Variants in ZMYND12 observed in about 807,000 individuals in gnomAD.
ZMYND12 encodes the protein zinc finger MYND domain-containing protein 12.
ZMYND12 carries 32 observed loss-of-function variants against 41.7 expected under a neutral mutation model. The observed-to-expected ratio is 0.77, with a 90% CI of 0.58 to 1.03. The LOEUF (loss-of-function observed/expected upper bound fraction) is 1.03. Among genes scored for constraint, ZMYND12 ranks in the 50% least tolerant of loss-of-function variants. The probability of loss-of-function intolerance (pLI) is 0.00; values close to 1 mark genes in which losing one functional copy is unlikely to be tolerated. For synonymous variants in ZMYND12, 148 were observed against 164.8 expected (o/e 0.90, Z 0.78); for missense variants, 424 against 438.5 (o/e 0.97, Z 0.30).
At chr1:42,440,136 T>C (rs1353111942) in intron 3 of ZMYND12, 111 bp from the exon 4 acceptor site, 2 of 1,212,594 alleles carry the variant, frequency 1.6e-6, no homozygotes, top group Non-Finnish European at 2.2e-6. Context: ...AAGTATTTAT[T>C]GACACAGAAA....
chr1:42,448,387 G>T (rs1342446179), intron 3 of ZMYND12, 80 bp downstream of exon 3: 2 of 1,403,734 alleles, frequency 1.4e-6, no homozygotes, highest in Non-Finnish European at 1.9e-6. Flanking sequence ...CCACTGTCAA[G>T]GGTGACTCTT....
intron 6 of ZMYND12, among the ~76,000 whole-genome samples, 192 bp downstream of exon 6, chr1:42,435,082 G>A (rs1364032531): frequency 6.6e-6 from 1 of 152,024 alleles, no homozygotes; most frequent in African/African-American, 2.4e-5. Flanking sequence ...GTGATGATAG[G>A]GATCTGAATT....
At chr1:42,452,469 G>A (rs1319631065) in intron 1 of ZMYND12, among the ~76,000 whole-genome samples, 17 of 152,074 alleles carry the variant, frequency 1.1e-4, no homozygotes, top group Non-Finnish European at 2.1e-4. Flanking sequence ...TTGGGAGGCC[G>A]AGGAGGGCGG....
At chr1:42,436,580 T>C (rs758519443) in intron 4 of ZMYND12, 37 bp from the exon 5 acceptor site, 1 of 1,607,700 alleles carries the variant, frequency 6.2e-7, no homozygotes, top group South Asian at 1.1e-5. Context: ...CTTGAGTTCC[T>C]TTTGCAAATC....
intron 1 of ZMYND12, among the ~76,000 whole-genome samples, chr1:42,452,627 C>T (rs751788099): frequency 1.1e-4 from 16 of 152,078 alleles, no homozygotes; most frequent in Admixed American, 2.0e-4. Context: ...TGCTTGAACC[C>T]GGGAGACAGA....
At position 42,430,608 on chromosome 1, in the gene ZMYND12, T is replaced by A. The variant is rs1055131228; in HGVS notation, c.*128A>T. On this transcript the variant is annotated 3_prime_UTR_variant, in exon 8 of 8. Transcript: ENST00000372565. The stretch of plus-strand genomic sequence containing the variant: ...GTAAGAAAAAAATAACAGCTATGTG[T>A]GCAATCCCAGGGGAAGAGGGTGGAA... 47 of 1,244,900 alleles carry A rather than the reference T, an allele frequency of 3.8e-5. No individual in the cohort carries two copies. Among genetic ancestry groups the A allele is most frequent in the Middle Eastern group, 2.0e-4 (1 of 5,074 alleles). The allele number at this position is 1,244,900 out of a possible 1,614,324, so 77.1% of individuals were successfully genotyped here.
intron 1 of ZMYND12, among the ~76,000 whole-genome samples, chr1:42,454,435 G>A (rs1460173482): frequency 2.0e-5 from 3 of 152,174 alleles, no homozygotes; most frequent in Non-Finnish European, 4.4e-5. Flanking sequence ...AGTGCTTTGA[G>A]AGCACTGAGG....
intron 1 of ZMYND12, among the ~76,000 whole-genome samples, 181 bp downstream of exon 1, chr1:42,455,707 C>T (rs747811598): frequency 1.8e-4 from 27 of 152,126 alleles, no homozygotes; most frequent in Non-Finnish European, 3.7e-4. Flanking sequence ...ACATGAGTGA[C>T]GAATAAGTGG....
intron 3 of ZMYND12, among the ~76,000 whole-genome samples, chr1:42,447,144 G>A (rs4660638): frequency 0.13 from 20,068 of 152,136 alleles, 1,497 homozygotes; most frequent in East Asian, 0.18. Flanking sequence ...GGGTGAAAGA[G>A]TAACATTACA....
chr1:42,453,184 T>C lies in ZMYND12; in HGVS notation c.110+2704A>G, dbSNP rs114013647. On this transcript the variant is annotated intron_variant, in intron 1 of 7. Coordinates refer to ENST00000372565, the MANE Select transcript of ZMYND12 (RefSeq NM_032257.5). The stretch of plus-strand genomic sequence containing the variant: ...TTGAAATCTGCAAGACCCAAAGACA[T>C]AGAAATCTGGAGAAAAGGAAGCAAA... 3.9e-3 allele frequency among the ~76,000 whole-genome samples: 584 copies of C among 151,646 alleles called. 1 individual carries two copies. The highest frequency in any genetic ancestry group is 0.013 in the African/African-American group (517 of 41,276).
chr1:42,449,118 C>G (rs1249117624), intron 2 of ZMYND12, among the ~76,000 whole-genome samples: 1 of 152,160 alleles, frequency 6.6e-6, no homozygotes, highest in African/African-American at 2.4e-5. Context: ...AGTGTCATAA[C>G]ACTAAAATGG....
chr1:42,434,793 A>T (rs1464762409), intron 6 of ZMYND12, among the ~76,000 whole-genome samples: 2 of 151,942 alleles, frequency 1.3e-5, no homozygotes, highest in Admixed American at 6.6e-5. Context: ...GCATGGTATA[A>T]TTATTTCATT....
chr1:42,433,279 T>A lies in ZMYND12; in HGVS notation c.839A>T (p.Gln280Leu), dbSNP rs1642874181. 6.2e-7 allele frequency: 1 copy of A among 1,607,446 alleles called. No individual in the cohort carries two copies. The highest frequency in any genetic ancestry group is 8.5e-7 in the Non-Finnish European group (1 of 1,178,240). ...FENDTGLDEAQEAEAIRILTS... is the reference protein window; with the variant it reads ...FENDTGLDEALEAEAIRILTS... ...CAGGATGCGAATGGCTTCTGCTTCT[T>A]GGGCTTCATCTGCATTGGAAGGGGA... The change falls in exon 7 of 8, where the codon CAA becomes CTA. Residue 280 changes from glutamine (Q) to leucine (L), a missense_variant. Coordinates refer to ENST00000372565, the MANE Select transcript of ZMYND12 (RefSeq NM_032257.5).
chr1:42,439,834 T>C, intron 4 of ZMYND12, 22 bp downstream of exon 4: 1 of 1,588,260 alleles, frequency 6.3e-7, no homozygotes, highest in Non-Finnish European at 8.5e-7. Context: ...AATATACAGG[T>C]GTTATAACTT....
At chr1:42,439,008 A>C (rs571956451) in intron 4 of ZMYND12, among the ~76,000 whole-genome samples, 1 of 152,250 alleles carries the variant, frequency 6.6e-6, no homozygotes, top group Non-Finnish European at 1.5e-5. Flanking sequence ...TTTATCATCG[A>C]TAAGTGCTTT....
chr1:42,432,972 T>C (rs1642869762), intron 7 of ZMYND12, 171 bp downstream of exon 7: 11 of 728,294 alleles, frequency 1.5e-5, no homozygotes, highest in Non-Finnish European at 2.4e-5. Context: ...ATTTCCATTA[T>C]GCAGGCTAGA....
chr1:42,433,717 G>A lies in ZMYND12; in HGVS notation c.830-429C>T, dbSNP rs575859697. Among the ~76,000 whole-genome samples, 51 of 152,312 alleles carry A rather than the reference G, an allele frequency of 3.3e-4. 1 individual carries two copies. The highest frequency in any genetic ancestry group is 1.2e-4 in the Non-Finnish European group (8 of 68,020). ...CTGGGGGAAGGGACTTCTTGCAGCT[G>A]CAGCAGCTTAACTCTTCTCGTCTAG... On this transcript the variant is annotated intron_variant, in intron 6 of 7. Coordinates refer to ENST00000372565, the MANE Select transcript of ZMYND12 (RefSeq NM_032257.5).
intron 7 of ZMYND12, 72 bp downstream of exon 7, chr1:42,433,069 AAC>A: frequency 2.5e-6 from 4 of 1,591,042 alleles, no homozygotes; most frequent in Non-Finnish European, 3.4e-6. Context: ...AATTGGGCAA[AAC>A]ACAAATTTTG....
intron 5 of ZMYND12, 142 bp from the exon 6 acceptor site, chr1:42,435,527 A>G (rs1642897306): frequency 3.2e-6 from 2 of 628,290 alleles, no homozygotes; most frequent in African/African-American, 1.8e-5. Context: ...GGCAGAGGGA[A>G]CCCTAGGAGC....
Sources: allele counts gnomAD v4.1 joint callset (sites outside exome capture counted in the v4.1 genomes callset), GRCh38; gene constraint gnomAD v4.1.1; transcripts MANE v1.5; gene names NCBI Gene and HGNC (gene_info 2026-07-23, HGNC 2026-07-21).